Variants in MYO15A observed in about 807,000 individuals in gnomAD.
MYO15A encodes the protein unconventional myosin-XV.
In MYO15A, 308 loss-of-function variants were observed where a neutral mutation model predicts 394.6. The observed-to-expected ratio is 0.78, with a 90% confidence interval of 0.71 to 0.86. MYO15A has a LOEUF of 0.86. Ranked by LOEUF, MYO15A falls within the 40% of genes least tolerant of loss-of-function variation. The probability of loss-of-function intolerance (pLI) is 0.00; values close to 1 mark genes in which losing one functional copy is unlikely to be tolerated. For missense variants in MYO15A, 4,606 were observed against 4,799.1 expected, an observed-to-expected ratio of 0.96 and a Z score of 1.19; for synonymous variants, 1,957 against 2,003.8, an observed-to-expected ratio of 0.98 and a Z score of 0.62.
rs1417098063 is a variant in MYO15A, at chr17:18,151,870, G to A, written c.7812G>A (p.Met2604Ile). The A allele has an allele frequency of 6.3e-7, 1 of 1,578,078 alleles. No individual in the cohort carries two copies. The highest frequency in any genetic ancestry group is 2.3e-5 in the East Asian group (1 of 43,776). Residue 2604 changes from methionine (M) to isoleucine (I), a missense_variant, in exon 41 of 66, where the codon ATG becomes ATA. Around this residue, in one of 2 missense-constraint regions of MYO15A, gnomAD observed 2,776 missense variants for 3,109.3 expected, o/e 0.89. Transcript: ENST00000647165. Reference protein sequence around the residue: ...ALRKDGGKVFMKRPDPHEEAL... With the variant: ...ALRKDGGKVFIKRPDPHEEAL... ...GGAAGGATGGCGGGAAAGTGTTCAT[G>A]AAGCGGCCAGACCCTCATGAGGAGG...
chr17:18,172,547 T>C (rs2046957277), intron 64 of MYO15A: 1 of 548,248 alleles, frequency 1.8e-6, no homozygotes, highest in African/African-American at 1.9e-5. Flanking sequence ...AAATAGTACA[T>C]CTGTGTGCTT....
chr17:18,166,949 G>T (rs74454234), intron 61 of MYO15A, among the ~76,000 whole-genome samples: 1,784 of 152,336 alleles, frequency 0.012, 14 homozygotes, highest in South Asian at 0.026. Flanking sequence ...TCTAAGTCAG[G>T]ATCATGGAGT....
rs1381716009 is a variant in MYO15A at position 18,121,266 on chromosome 17, G to C, written c.2466G>C (p.Glu822Asp). 2.8e-6 allele frequency: 4 copies of C among 1,446,376 alleles called. No individual in the cohort carries two copies. The highest frequency in any genetic ancestry group is 3.0e-5 in the African/African-American group (2 of 66,760). 89.6% of individuals were successfully genotyped at this position (1,446,376 alleles called of 1,614,324 possible). Residue 822 changes from glutamate (E) to aspartate (D), a missense_variant, in exon 2 of 66, where the codon GAG (glutamate) becomes GAC (aspartate). By Grantham distance (45) the Glu-to-Asp change is conservative. Transcript: ENST00000647165. The surrounding 1 kb of genome is among the most constrained non-coding windows in gnomAD (Gnocchi z 5.3). ...PPARRPRSLQESPAPRRAAGR... is the reference protein window; with the variant it reads ...PPARRPRSLQDSPAPRRAAGR... ...CCCGCCGGCCCCGCTCGCTGCAGGA[G>C]TCCCCAGCCCCACGCCGAGCCGCTG...
chr17:18,119,269 G>A lies in MYO15A; in HGVS notation c.469G>A (p.Asp157Asn), dbSNP rs2045852692. The change falls in exon 2 of 66, where the codon GAC (aspartate) becomes AAC (asparagine). Residue 157 changes from aspartate (D) to asparagine (N), a missense_variant. This residue lies in a region of MYO15A where 1,830 missense variants were observed against 1,689.7 expected (regional missense o/e 1.08). Coordinates refer to ENST00000647165, the MANE Select transcript of MYO15A (RefSeq NM_016239.4). ...EESGSEQATV[D>N]AWLQRSSSRM... is the part of the protein sequence containing the mutation. ...GTCGGGCAGCGAACAGGCCACAGTG[G>A]ACGCCTGGCTGCAGCGCTCGAGCTC... The A allele has an allele frequency of 3.1e-6, 5 of 1,612,190 alleles. No individual in the cohort carries two copies. The East Asian group carries it at 1.1e-4, about 36-fold the overall frequency.
rs1224650890 is a variant in MYO15A, at chr17:18,147,990, A to C, written c.6510-39A>C. On this transcript the variant is annotated intron_variant, in intron 30 of 65. Coordinates refer to ENST00000647165, the MANE Select transcript of MYO15A (RefSeq NM_016239.4). This position sits in a 1 kb window ranked among gnomAD's most constrained non-coding sequence, Gnocchi z 4.4. ...CAGCCCTCAGCCCCAAGCTAGCTTC[A>C]GATCCTTCTTGATCCTGGCTCCAAC... 1 of 1,613,226 alleles carries C rather than the reference A, an allele frequency of 6.2e-7. No homozygotes were observed. The highest frequency in any genetic ancestry group is 8.5e-7 in the Non-Finnish European group (1 of 1,179,474).
chr17:18,129,413 G>C (rs887474471), intron 7 of MYO15A, among the ~76,000 whole-genome samples: 11 of 152,190 alleles, frequency 7.2e-5, no homozygotes, highest in Admixed American at 7.2e-4. Context: ...TTGACTTATT[G>C]AGCAATCACA....
rs1303739768 is a variant in MYO15A, at chr17:18,148,081, C to T, written c.6562C>T (p.Leu2188Phe). ...CTTCCAGGCTGTGTGTCAGCACCGC[C>T]TCATGCAGGCCATGGGCCGGGCCCA... ...NGFQAVCQHR[L>F]MQAMGRAQQQ... The change falls in exon 31 of 66, where the codon CTC becomes TTC. Residue 2188 changes from leucine (L) to phenylalanine (F), a missense_variant. This residue lies in a region of MYO15A where 2,776 missense variants were observed against 3,109.3 expected (regional missense o/e 0.89). Transcript: ENST00000647165. The surrounding 1 kb of genome is among the most constrained non-coding windows in gnomAD (Gnocchi z 4.8). 6.2e-7 allele frequency: 1 copy of T among 1,613,846 alleles called. No homozygotes were observed. Among genetic ancestry groups the T allele is most frequent in the African/African-American group, 1.3e-5 (1 of 74,946 alleles).
In MYO15A at chr17:18,163,308, T is replaced by C. The variant is rs754582055; in HGVS notation, c.9677T>C (p.Ile3226Thr). The change falls in exon 59 of 66, where the codon ATC becomes ACC. Residue 3226 changes from isoleucine (I) to threonine (T), a missense_variant. Transcript: ENST00000647165. The part of the protein sequence containing the change: ...LPGGLERHLK[I>T]KTCTVALDVV... ...GGAGGCCTTGAACGCCATCTCAAAATCAAAACATGCACTGTAAGTGAAGAA... is the reference window on the plus strand; with the variant it reads ...GGAGGCCTTGAACGCCATCTCAAAACCAAAACATGCACTGTAAGTGAAGAA... 57 of 1,613,950 alleles carry C rather than the reference T, an allele frequency of 3.5e-5. No individual in the cohort carries two copies. The highest frequency in any genetic ancestry group is 5.3e-5 in the African/African-American group (4 of 74,884).
In MYO15A at chr17:18,162,141, CAA is replaced by C. The variant is rs974110141; in HGVS notation, c.9518-443_9518-442del. ...AGAATGTGCCCTAGAACTCTTGACT[CAA>C]GAGAAATGGAGCACTGATGCTGGGG... On this transcript the variant is annotated intron_variant, in intron 57 of 65. Coordinates refer to ENST00000647165, the MANE Select transcript of MYO15A (RefSeq NM_016239.4). Among the ~76,000 whole-genome samples, 4 of 152,156 alleles carry C rather than the reference CAA, an allele frequency of 2.6e-5. No individual in the cohort carries two copies. In the South Asian group the frequency reaches 6.2e-4, roughly 24 times the overall value.
chr17:18,135,486 C>T (rs966404919), intron 12 of MYO15A, among the ~76,000 whole-genome samples: 2 of 152,198 alleles, frequency 1.3e-5, no homozygotes, highest in Admixed American at 1.3e-4. Context: ...GGATTACAGG[C>T]ATACGCCACC....
chr17:18,116,121 C>G (rs531144807), intron 1 of MYO15A, among the ~76,000 whole-genome samples: 97 of 152,312 alleles, frequency 6.4e-4, no homozygotes, highest in African/African-American at 2.3e-3. Flanking sequence ...AATGCTGGCT[C>G]AGGACCCTTA....
At chr17:18,156,481 C>T (rs1037668830) in intron 48 of MYO15A, 145 bp downstream of exon 48, 4 of 982,066 alleles carry the variant, frequency 4.1e-6, no homozygotes, top group Non-Finnish European at 6.2e-6. Context: ...ACTTGGAATA[C>T]CCTTTCTCCC....
rs1313080328 is a variant in MYO15A at position 18,150,919 on chromosome 17, C to A, written c.7473+6C>A. The A allele has an allele frequency of 6.2e-7, 1 of 1,604,358 alleles. No homozygotes were observed. The highest frequency in any genetic ancestry group is 8.5e-7 in the Non-Finnish European group (1 of 1,175,874). ...TGAGATCCTTGCCCGCAGAGGTGAG[C>A]CTGGCCTGCCCAGGGTGCAGGGGTT... On this transcript the variant is annotated splice_donor_region_variant and intron_variant, in intron 38 of 65. Coordinates refer to ENST00000647165, the MANE Select transcript of MYO15A (RefSeq NM_016239.4). The surrounding 1 kb of genome is among the most constrained non-coding windows in gnomAD (Gnocchi z 4.4).
chr17:18,163,435 T>C, intron 59 of MYO15A, 114 bp downstream of exon 59: 1 of 1,119,672 alleles, frequency 8.9e-7, no homozygotes, highest in Non-Finnish European at 1.3e-6. Flanking sequence ...CCTCCCAGGC[T>C]CTCCCACAGC....
Position 18,139,671 on chromosome 17 carries a change from C to T in MYO15A, c.5211+60C>T, listed in dbSNP as rs1000386889. 2.5e-6 allele frequency: 4 copies of T among 1,584,464 alleles called. No individual in the cohort carries two copies. The African/African-American group carries it at 5.4e-5, about 21-fold the overall frequency. On this transcript the variant is annotated intron_variant, in intron 19 of 65. Transcript: ENST00000647165. ...CCAGGCATGTCCCCACCCCCACACC[C>T]AGCCTGCCTTCAGGCCTGGGACCGT...
At chr17:18,165,321 T>C (rs1296751771) in intron 60 of MYO15A, among the ~76,000 whole-genome samples, 1 of 152,210 alleles carries the variant, frequency 6.6e-6, no homozygotes, top group Non-Finnish European at 1.5e-5. Context: ...AGTTCTAAAA[T>C]GAAAATGGCA....
intron 47 of MYO15A, 75 bp from the exon 48 acceptor site, chr17:18,156,120 G>A: frequency 6.2e-7 from 1 of 1,609,848 alleles, no homozygotes; most frequent in Non-Finnish European, 8.5e-7. Context: ...GGCAGGACAG[G>A]ATCAGAAGCA....
chr17:18,172,846 T>C, intron 64 of MYO15A: 1 of 185,436 alleles, frequency 5.4e-6, no homozygotes, highest in Non-Finnish European at 1.1e-5. Flanking sequence ...AAAGGCCTTA[T>C]TTCTAAATAC....
chr17:18,153,967 G>A lies in MYO15A; in HGVS notation c.8088+71G>A. ...GGGAGGGGCTGAAGCGAGCAGAGGA[G>A]GGTCTAGGACTTGGGGAGGGAGCCC... On this transcript the variant is annotated intron_variant, in intron 43 of 65. Coordinates refer to ENST00000647165, the MANE Select transcript of MYO15A (RefSeq NM_016239.4). This position sits in a 1 kb window ranked among gnomAD's most constrained non-coding sequence, Gnocchi z 4.1. The A allele has an allele frequency of 1.9e-6, 3 of 1,610,916 alleles. No homozygotes were observed. The highest frequency in any genetic ancestry group is 2.2e-5 in the South Asian group (2 of 91,026).
Sources: gnomAD v4.1 joint callset for allele counts (sites outside exome capture counted in the v4.1 genomes callset) on GRCh38, gnomAD v4.1.1 for gene constraint, gnomAD v4.1.1 regional missense constraint, Gnocchi (gnomAD v3.1) non-coding constraint, MANE v1.5 for transcripts, NCBI Gene and HGNC (gene_info 2026-07-23, HGNC 2026-07-21) for gene names.